PTPRD: variants seen among roughly 807,000 people sequenced by gnomAD.
PTPRD encodes receptor-type tyrosine-protein phosphatase delta.
Under a neutral mutation model 214.5 loss-of-function variants are expected in PTPRD, and 34 were observed. That is an observed-to-expected ratio of 0.16 (90% CI 0.12 to 0.21). The LOEUF (loss-of-function observed/expected upper bound fraction) is 0.21. Among genes scored for constraint, PTPRD ranks in the 10% least tolerant of loss-of-function variants. PTPRD has a pLI of 1.00. For missense variants in PTPRD, 2,545 were observed against 2,398.7 expected (o/e 1.06, Z -1.27); for synonymous variants, 1,128 against 845.7 (o/e 1.33, Z -5.79).
intron 3 of PTPRD, among the ~76,000 whole-genome samples, chr9:10,195,167 C>A (rs1439459002): frequency 1.5e-5 from 2 of 130,558 alleles, no homozygotes; most frequent in East Asian, 4.6e-4. Flanking sequence ...CCAGGCTGGT[C>A]TTGACCTTTC....
chr9:9,921,755 A>G (rs1336354227), intron 5 of PTPRD, among the ~76,000 whole-genome samples: 1 of 125,834 alleles, frequency 7.9e-6, no homozygotes, highest in Admixed American at 1.0e-4. Flanking sequence ...ATAGAAGTAA[A>G]AAAAAAAAAA....
chr9:9,735,315 C>T (rs1358304097), intron 6 of PTPRD, among the ~76,000 whole-genome samples: 2 of 152,022 alleles, frequency 1.3e-5, no homozygotes, highest in Admixed American at 1.3e-4. Flanking sequence ...GAACTTCTAA[C>T]CATTATTATT....
chr9:9,529,211 C>A (rs1382972380), intron 8 of PTPRD, among the ~76,000 whole-genome samples: 1 of 149,898 alleles, frequency 6.7e-6, no homozygotes, highest in Non-Finnish European at 1.5e-5. Context: ...GAATTACAGG[C>A]GTGAGCCACC....
intron 2 of PTPRD, among the ~76,000 whole-genome samples, chr9:10,369,866 C>G (rs1433572124): frequency 6.6e-6 from 1 of 151,870 alleles, no homozygotes; most frequent in South Asian, 2.1e-4. Flanking sequence ...GCATAAATAG[C>G]ATGTCATATT....
At chr9:9,910,193 C>G (rs2078798219) in intron 5 of PTPRD, among the ~76,000 whole-genome samples, 1 of 151,880 alleles carries the variant, frequency 6.6e-6, no homozygotes, top group African/African-American at 2.4e-5. Flanking sequence ...CATTAGAGCT[C>G]CTGGCATAGA....
chr9:10,090,295 T>A lies in PTPRD; in HGVS notation c.-544-56505A>T, dbSNP rs118131561. ...TTCTACTATCAAGAACCTGAGACAA[T>A]GTGGAATTAGCCAGACTAGCTTATT... On this transcript the variant is annotated intron_variant, in intron 3 of 45. Transcript: ENST00000381196. Among the ~76,000 whole-genome samples the A allele has an allele frequency of 1.9e-4, 29 of 151,732 alleles. 1 individual carries two copies. In the East Asian group the frequency reaches 5.7e-3, roughly 30 times the overall value.
chr9:9,061,990 T>G (rs966963230), intron 10 of PTPRD, among the ~76,000 whole-genome samples: 5 of 152,006 alleles, frequency 3.3e-5, no homozygotes, highest in African/African-American at 1.2e-4. Context: ...AAGATGCCTC[T>G]GAACATGAAA....
intron 3 of PTPRD, among the ~76,000 whole-genome samples, chr9:10,109,946 T>C (rs1362323855): frequency 6.6e-6 from 1 of 151,652 alleles, no homozygotes. Context: ...TCCTGATATA[T>C]GCCAATGTTT....
intron 10 of PTPRD, among the ~76,000 whole-genome samples, chr9:9,041,402 T>C (rs1189688144): frequency 6.6e-6 from 1 of 152,040 alleles, no homozygotes; most frequent in Non-Finnish European, 1.5e-5. Flanking sequence ...TGTGTGTTGT[T>C]CCCCTCTATG....
chr9:9,971,741 A>G (rs1483877245), intron 4 of PTPRD, among the ~76,000 whole-genome samples: 1 of 152,170 alleles, frequency 6.6e-6, no homozygotes, highest in East Asian at 1.9e-4. Context: ...GAGAGAAGTA[A>G]TCTATGACTC....
chr9:10,065,917 G>C (rs537641100), intron 3 of PTPRD, among the ~76,000 whole-genome samples: 52 of 151,886 alleles, frequency 3.4e-4, no homozygotes, highest in African/African-American at 1.3e-3. Context: ...GATGTTACTG[G>C]TATCACAAAG....
At chr9:10,386,933 G>T (rs1179318675) in intron 2 of PTPRD, among the ~76,000 whole-genome samples, 1 of 151,814 alleles carries the variant, frequency 6.6e-6, no homozygotes, top group African/African-American at 2.4e-5. Context: ...TTACAAGATG[G>T]AAGAGGGAGG....
chr9:8,523,661 T>C, intron 18 of PTPRD, 137 bp from the exon 19 acceptor site: 1 of 869,280 alleles, frequency 1.2e-6, no homozygotes. Context: ...CTCTAGTTCA[T>C]CCTTCCTATC....
At chr9:10,335,761 A>G (rs755785972) in intron 3 of PTPRD, among the ~76,000 whole-genome samples, 42 of 151,772 alleles carry the variant, frequency 2.8e-4, no homozygotes, top group African/African-American at 9.7e-4. Flanking sequence ...GAAACAAACA[A>G]CTTCATTAAA....
At chr9:9,601,924 T>C (rs1324011256) in intron 7 of PTPRD, among the ~76,000 whole-genome samples, 1 of 152,060 alleles carries the variant, frequency 6.6e-6, no homozygotes, top group Non-Finnish European at 1.5e-5. Flanking sequence ...TATAGACTCT[T>C]GGGTCACCAT....
intron 3 of PTPRD, among the ~76,000 whole-genome samples, chr9:10,272,705 G>A (rs748874218): frequency 6.6e-6 from 1 of 152,148 alleles, no homozygotes; most frequent in African/African-American, 2.4e-5. Context: ...ATAAGTAATA[G>A]TTTATCCACT....
At chr9:8,563,998 G>A (rs531657222) in intron 14 of PTPRD, among the ~76,000 whole-genome samples, 2 of 152,240 alleles carry the variant, frequency 1.3e-5, no homozygotes, top group South Asian at 2.1e-4. Context: ...TAGACGGTGC[G>A]AAAGCAATAC....
intron 8 of PTPRD, among the ~76,000 whole-genome samples, chr9:9,431,140 T>A (rs1426043200): frequency 6.6e-6 from 1 of 152,150 alleles, no homozygotes; most frequent in Non-Finnish European, 1.5e-5. Context: ...GAGAAAATGT[T>A]TGCAATCTAC....
Position 10,231,528 on chromosome 9 carries a change from G to C in PTPRD, c.-545+109435C>G, listed in dbSNP as rs556041819. ...TGAGTTCTTGGACAGAAGAATATTT[G>C]GGATGGGGGTGGAGATGGAGGTGGG... On this transcript the variant is annotated intron_variant, in intron 3 of 45. Coordinates refer to ENST00000381196, the MANE Select transcript of PTPRD (RefSeq NM_002839.4). Among the ~76,000 whole-genome samples the C allele has an allele frequency of 3.9e-5, 6 of 152,046 alleles. No homozygotes were observed. The East Asian group carries it at 9.7e-4, about 25-fold the overall frequency.
Sources: gnomAD v4.1 joint callset for allele counts (sites outside exome capture counted in the v4.1 genomes callset) on GRCh38, gnomAD v4.1.1 for gene constraint, MANE v1.5 for transcripts, NCBI Gene and HGNC (gene_info 2026-07-23, HGNC 2026-07-21) for gene names.